Variants in AP2B1 observed in about 807,000 individuals in gnomAD.
The protein encoded by AP2B1 is adaptor related protein complex 2 subunit beta 1.
In AP2B1, 23 loss-of-function variants were observed where a neutral mutation model predicts 102.0. That is an observed-to-expected ratio of 0.23 (90% CI 0.16 to 0.32). The LOEUF is 0.32. AP2B1 is among the 10% of genes least tolerant of loss of function. The pLI is 1.00. For synonymous variants in AP2B1, 381 were observed against 421.2 expected, an observed-to-expected ratio of 0.90 and a Z score of 1.17; for missense variants, 541 against 1,157.4, an observed-to-expected ratio of 0.47 and a Z score of 7.73.
intron 11 of AP2B1, among the ~76,000 whole-genome samples, chr17:35,641,261 A>T (rs1476874664): frequency 6.6e-6 from 1 of 152,184 alleles, no homozygotes; most frequent in African/African-American, 2.4e-5. Flanking sequence ...TATCACCATC[A>T]GTATGTTAAC....
chr17:35,598,382 CCA>C, intron 3 of AP2B1, 47 bp downstream of exon 3: 1 of 1,180,666 alleles, frequency 8.5e-7, no homozygotes, highest in Non-Finnish European at 1.2e-6. Context: ...GGTCCATACC[CCA>C]TCTTATGGCC....
At chr17:35,658,445 G>T (rs917513964) in intron 14 of AP2B1, among the ~76,000 whole-genome samples, 5 of 151,832 alleles carry the variant, frequency 3.3e-5, no homozygotes, top group Non-Finnish European at 7.4e-5. Context: ...CAGAATACCT[G>T]CGAACATTTG....
chr17:35,648,743 A>AGTGTGTGTGTGTGTGTGTGTGT (rs10668040), intron 12 of AP2B1, among the ~76,000 whole-genome samples: 1 of 148,590 alleles, frequency 6.7e-6, no homozygotes, highest in African/African-American at 2.5e-5. Flanking sequence ...ATATGAAATA[A>AGTGTGTGTGTGTGTGTGTGTGT]GTGTGTGTGT....
intron 13 of AP2B1, 64 bp from the exon 14 acceptor site, chr17:35,657,535 G>A (rs2075260480): frequency 1.5e-5 from 21 of 1,356,808 alleles, no homozygotes; most frequent in Middle Eastern, 1.9e-4. Context: ...CTGTTGTTGC[G>A]ATGTTATGTC....
At chr17:35,595,590 G>A (rs1193419596) in intron 2 of AP2B1, among the ~76,000 whole-genome samples, 1 of 152,102 alleles carries the variant, frequency 6.6e-6, no homozygotes, top group Non-Finnish European at 1.5e-5. Flanking sequence ...TTATTTTAAT[G>A]TGCAGCCATG....
At chr17:35,711,541 T>C (rs1158676423) in intron 20 of AP2B1, among the ~76,000 whole-genome samples, 1 of 150,928 alleles carries the variant, frequency 6.6e-6, no homozygotes, top group Non-Finnish European at 1.5e-5. Flanking sequence ...CAATCTCGGC[T>C]CACTGCAAGC....
chr17:35,611,737 A>G (rs2073872431), intron 5 of AP2B1, among the ~76,000 whole-genome samples: 1 of 152,204 alleles, frequency 6.6e-6, no homozygotes, highest in African/African-American at 2.4e-5. Context: ...AATACAATAA[A>G]TAAAATGAAT....
chr17:35,625,451 C>T (rs2074288755), intron 6 of AP2B1, among the ~76,000 whole-genome samples: 1 of 152,082 alleles, frequency 6.6e-6, no homozygotes, highest in African/African-American at 2.4e-5. Flanking sequence ...CTGGAAATAA[C>T]TTTACTGAGA....
chr17:35,667,061 GCTTT>G (rs2075483377), intron 14 of AP2B1, among the ~76,000 whole-genome samples: 1 of 152,126 alleles, frequency 6.6e-6, no homozygotes, highest in South Asian at 2.1e-4. Context: ...TCACTTTCTA[GCTTT>G]CTTTTTTCTT....
At chr17:35,671,603 TGAA>T (rs1251428001) in intron 15 of AP2B1, 148 bp from the exon 16 acceptor site, 3 of 786,210 alleles carry the variant, frequency 3.8e-6, no homozygotes, top group South Asian at 1.7e-5. Flanking sequence ...ATTAAAAAGA[TGAA>T]GAATATACTA....
intron 21 of AP2B1, among the ~76,000 whole-genome samples, chr17:35,717,967 C>G (rs587726639): frequency 3.9e-5 from 6 of 152,278 alleles, no homozygotes; most frequent in Admixed American, 2.0e-4. Context: ...AGATTGATAG[C>G]CAAGCACTAG....
chr17:35,592,947 G>C (rs1307882483), intron 1 of AP2B1, among the ~76,000 whole-genome samples: 1 of 152,170 alleles, frequency 6.6e-6, no homozygotes, highest in Non-Finnish European at 1.5e-5. Flanking sequence ...TGACCAGACT[G>C]TGCCGTTTTT....
chr17:35,666,838 A>G (rs1021873770), intron 14 of AP2B1, among the ~76,000 whole-genome samples: 1 of 152,188 alleles, frequency 6.6e-6, no homozygotes, highest in African/African-American at 2.4e-5. Flanking sequence ...GATGAACCTG[A>G]ATCCCAATAA....
chr17:35,672,358 G>A (rs745699267), intron 16 of AP2B1, among the ~76,000 whole-genome samples: 1 of 152,168 alleles, frequency 6.6e-6, no homozygotes, highest in Non-Finnish European at 1.5e-5. Flanking sequence ...ATTTAGGTTT[G>A]TGTCACTGGG....
At chr17:35,707,451 T>TCC (rs1490722040) in intron 18 of AP2B1, among the ~76,000 whole-genome samples, 67 of 89,938 alleles carry the variant, frequency 7.4e-4, no homozygotes, top group African/African-American at 2.9e-3. Context: ...GTGCCCGGCT[T>TCC]CCCCCCTTTT....
At chr17:35,648,623 A>G (rs1339932283) in intron 12 of AP2B1, among the ~76,000 whole-genome samples, 1 of 152,198 alleles carries the variant, frequency 6.6e-6, no homozygotes, top group Non-Finnish European at 1.5e-5. Context: ...GTCCCTCAAT[A>G]GTGGACTAAT....
intron 12 of AP2B1, 129 bp from the exon 13 acceptor site, chr17:35,650,401 C>G (rs1226367871): frequency 6.2e-6 from 7 of 1,132,942 alleles, no homozygotes; most frequent in South Asian, 4.5e-5. Context: ...CACATCCAGC[C>G]TGAAGTATCT....
intron 20 of AP2B1, among the ~76,000 whole-genome samples, chr17:35,711,104 C>G (rs1419520872): frequency 6.6e-6 from 1 of 152,170 alleles, no homozygotes; most frequent in Non-Finnish European, 1.5e-5. Context: ...CTGTGTTTCT[C>G]TGAAGGATTT....
rs894386026 is a variant in AP2B1 at position 35,639,478 on chromosome 17, T to G, written c.1272-117T>G. 1.9e-5 allele frequency: 15 copies of G among 789,012 alleles called. No individual in the cohort carries two copies. In the Admixed American group the frequency reaches 4.5e-4, roughly 23 times the overall value. The allele number at this position is 789,012 out of a possible 1,614,324, so 48.9% of individuals were successfully genotyped here. A position where few individuals can be genotyped will look rare whatever the true frequency, so the allele number is the denominator to read the frequency against. On this transcript the variant is annotated intron_variant, in intron 10 of 21. Coordinates refer to ENST00000610402, the MANE Select transcript of AP2B1 (RefSeq NM_001030006.2). ...CTATTCATTCTCTTGACTAAAAGCT[T>G]TTACAGTTTGGTGGTTTGGTTTAGG...
Sources: allele counts gnomAD v4.1 joint callset (sites outside exome capture counted in the v4.1 genomes callset), GRCh38; gene constraint gnomAD v4.1.1; transcripts MANE v1.5; gene names NCBI Gene and HGNC (gene_info 2026-07-23, HGNC 2026-07-21).